Variants in NAV3 observed in about 807,000 individuals in gnomAD.
The protein encoded by NAV3 is neuron navigator 3, also known as pore membrane and/or filament interacting like protein 1.
Under a neutral mutation model 244.7 loss-of-function variants are expected in NAV3, and 87 were observed. That is an observed-to-expected ratio of 0.36 (90% CI 0.30 to 0.42). The LOEUF is 0.42. Ranked by LOEUF, NAV3 falls within the 20% of genes least tolerant of loss-of-function variation. The pLI, the probability that NAV3 is intolerant of heterozygous loss-of-function variation, is 1.00. For missense variants in NAV3, 2,663 were observed against 2,893.3 expected (o/e 0.92, Z 1.83); for synonymous variants, 1,126 against 1,042.2 (o/e 1.08, Z -1.55).
At chr12:78,028,505 GAC>G (rs1566034239) in intron 9 of NAV3, among the ~76,000 whole-genome samples, 1 of 152,114 alleles carries the variant, frequency 6.6e-6, no homozygotes, top group Non-Finnish European at 1.5e-5. Flanking sequence ...CAGAAGATAA[GAC>G]AGCCCCTACA....
Position 78,212,044 on chromosome 12 carries a change from T to A in NAV3, c.*1527T>A, listed in dbSNP as rs1960922540. On this transcript the variant is annotated 3_prime_UTR_variant, in exon 40 of 40. Transcript: ENST00000397909. ...TACAGAATGCAAACCCTCAAAGCTG[T>A]ATTATCTGGTGTGTTTGTCCTGTAT... is the stretch of plus-strand genomic sequence containing the variant. The A allele has an allele frequency of 2.0e-5, 3 of 152,660 alleles. No individual in the cohort carries two copies. The highest frequency in any genetic ancestry group is 7.2e-5 in the African/African-American group (3 of 41,466). 9.5% of individuals were successfully genotyped at this position (152,660 alleles called of 1,614,324 possible).
chr12:77,963,652 C>G (rs1402788431), intron 3 of NAV3, among the ~76,000 whole-genome samples: 1 of 152,174 alleles, frequency 6.6e-6, no homozygotes, highest in African/African-American at 2.4e-5. Flanking sequence ...AGTACTTATT[C>G]TGTCGCTAAC....
intron 12 of NAV3, among the ~76,000 whole-genome samples, chr12:78,080,129 A>G (rs2137808807): frequency 6.6e-6 from 1 of 152,176 alleles, no homozygotes; most frequent in East Asian, 1.9e-4. Flanking sequence ...TTAGACAAAA[A>G]TAATTTGGGG....
At chr12:77,620,581 C>T (rs1422978176) in intron 2 of NAV3, among the ~76,000 whole-genome samples, 4 of 152,030 alleles carry the variant, frequency 2.6e-5, no homozygotes, top group African/African-American at 9.7e-5. Flanking sequence ...CTTGCCTCAG[C>T]TTCCTGAGTA....
intron 21 of NAV3, among the ~76,000 whole-genome samples, chr12:78,147,497 T>C (rs1230355427): frequency 6.6e-6 from 1 of 152,012 alleles, no homozygotes; most frequent in East Asian, 1.9e-4. Context: ...AAATGCTCTT[T>C]GAGTTTGGAT....
intron 7 of NAV3, among the ~76,000 whole-genome samples, chr12:78,002,366 T>C (rs892613633): frequency 2.0e-5 from 3 of 152,224 alleles, no homozygotes; most frequent in African/African-American, 7.2e-5. Flanking sequence ...GTTTACTCAC[T>C]GAACAGGGCT....
intron 2 of NAV3, among the ~76,000 whole-genome samples, chr12:77,718,685 T>C (rs891936941): frequency 1.3e-5 from 2 of 151,788 alleles, no homozygotes; most frequent in African/African-American, 4.9e-5. Flanking sequence ...GAGACAGAGT[T>C]TTGCTTTTGG....
chr12:78,137,379 G>C lies in NAV3; in HGVS notation c.4630+14G>C. ...GCATGGAAGAAGGTAAGCGTTGAGG[G>C]GGATTAAAGATGAAGTCACTTTATT... On this transcript the variant is annotated intron_variant, in intron 19 of 39. Transcript: ENST00000397909. 3 of 1,589,784 alleles carry C rather than the reference G, an allele frequency of 1.9e-6. No homozygotes were observed. The highest frequency in any genetic ancestry group is 2.6e-6 in the Non-Finnish European group (3 of 1,171,418).
At chr12:78,128,914 ACT>A in intron 18 of NAV3, 48 bp downstream of exon 18, 1 of 1,555,318 alleles carries the variant, frequency 6.4e-7, no homozygotes, top group Non-Finnish European at 8.8e-7. Context: ...TTCACCACCC[ACT>A]CTCACAGAAA....
intron 1 of NAV3, among the ~76,000 whole-genome samples, chr12:77,846,299 A>T (rs377735182): frequency 1.3e-5 from 2 of 152,248 alleles, no homozygotes; most frequent in East Asian, 1.9e-4. Flanking sequence ...CTAAAAGTTA[A>T]TTCATTTTGT....
chr12:77,779,672 CT>C (rs766647131), intron 2 of NAV3, among the ~76,000 whole-genome samples: 2 of 152,022 alleles, frequency 1.3e-5, no homozygotes, highest in Non-Finnish European at 2.9e-5. Context: ...TTTTTATATC[CT>C]TCAGGACACC....
intron 2 of NAV3, among the ~76,000 whole-genome samples, chr12:77,812,941 C>G (rs1317083645): frequency 3.9e-5 from 6 of 152,134 alleles, no homozygotes; most frequent in African/African-American, 1.4e-4. Context: ...ATTCTCATGC[C>G]TCAGCCTCCT....
At chr12:78,083,905 A>G (rs1953490436) in intron 12 of NAV3, among the ~76,000 whole-genome samples, 1 of 152,154 alleles carries the variant, frequency 6.6e-6, no homozygotes, top group Non-Finnish European at 1.5e-5. Flanking sequence ...CAGCCAAACA[A>G]AAAACCTTAC....
intron 12 of NAV3, among the ~76,000 whole-genome samples, chr12:78,086,828 C>G (rs1340629724): frequency 6.6e-6 from 1 of 151,996 alleles, no homozygotes; most frequent in African/African-American, 2.4e-5. Flanking sequence ...ATGTCCTCAT[C>G]TATGTGTTGG....
At position 78,021,826 on chromosome 12, in the gene NAV3, A is replaced by G. The variant is rs1877204361; in HGVS notation, c.1987A>G (p.Ser663Gly). The change falls in exon 9 of 40, where the codon AGT becomes GGT. Residue 663 changes from serine to glycine, a missense_variant. Around this residue, in one of 6 missense-constraint regions of NAV3, gnomAD observed 1,521 missense variants for 1,497.0 expected, o/e 1.02. Transcript: ENST00000397909. ...TCCTACAAAGATGGACTTATCATAT[A>G]GTAAGACTGCTAAGCAGTGCCTGGA... Reference protein sequence around the residue: ...TSPTKMDLSYSKTAKQCLEEI... With the variant: ...TSPTKMDLSYGKTAKQCLEEI... The G allele has an allele frequency of 1.2e-6, 2 of 1,611,046 alleles. No individual in the cohort carries two copies. The highest frequency in any genetic ancestry group is 4.5e-5 in the East Asian group (2 of 44,716).
intron 1 of NAV3, among the ~76,000 whole-genome samples, chr12:77,915,758 A>G (rs928500947): frequency 2.0e-5 from 3 of 151,956 alleles, no homozygotes; most frequent in African/African-American, 7.2e-5. Flanking sequence ...AAAATTGGTA[A>G]GGTCTTTGAT....
chr12:77,994,301 C>T (rs373478858), intron 5 of NAV3, among the ~76,000 whole-genome samples: 80 of 152,268 alleles, frequency 5.3e-4, no homozygotes, highest in African/African-American at 1.9e-3. Flanking sequence ...TAGACAGAAA[C>T]CAGATTATTT....
intron 22 of NAV3, among the ~76,000 whole-genome samples, chr12:78,155,236 A>T (rs1476863280): frequency 2.6e-5 from 4 of 151,986 alleles, no homozygotes; most frequent in African/African-American, 9.7e-5. Context: ...ACGTGTTCTC[A>T]TCGTTCTACT....
At chr12:77,918,165 C>T (rs934368682) in intron 1 of NAV3, among the ~76,000 whole-genome samples, 6 of 152,062 alleles carry the variant, frequency 3.9e-5, no homozygotes, top group African/African-American at 1.4e-4. Context: ...ACACTCTTCC[C>T]TCTGGACGCT....
Sources: gnomAD v4.1 joint callset for allele counts (sites outside exome capture counted in the v4.1 genomes callset) on GRCh38, gnomAD v4.1.1 for gene constraint, gnomAD v4.1.1 regional missense constraint, MANE v1.5 for transcripts, NCBI Gene and HGNC (gene_info 2026-07-23, HGNC 2026-07-21) for gene names.